The following OSBPL10 variants were observed in gnomAD, a reference collection of about 807,000 sequenced individuals.
OSBPL10 encodes the protein oxysterol-binding protein-related protein 10.
A neutral mutation model predicts 81.7 loss-of-function variants in OSBPL10; 49 were observed. The observed-to-expected ratio is 0.60, with a 90% confidence interval of 0.48 to 0.76. OSBPL10 has a LOEUF of 0.76. Ranked by LOEUF, OSBPL10 falls within the 30% of genes least tolerant of loss-of-function variation. The pLI, the probability that OSBPL10 is intolerant of heterozygous loss-of-function variation, is 0.00. For synonymous variants in OSBPL10, 419 were observed against 383.6 expected (o/e 1.09, Z -1.08); for missense variants, 923 against 987.8 (o/e 0.93, Z 0.88).
At chr3:31,965,860 TATAATAC>T (rs1385650890) in intron 1 of OSBPL10, among the ~76,000 whole-genome samples, 39 of 98,232 alleles carry the variant, frequency 4.0e-4, no homozygotes, top group South Asian at 1.1e-3. Context: ...AAAGATAATA[TATAATAC>T]ATATTATATA....
In OSBPL10 at chr3:31,833,729, A is replaced by T. The variant is rs1408634585; in HGVS notation, c.538-3498T>A. On this transcript the variant is annotated intron_variant, in intron 3 of 11. Coordinates refer to ENST00000396556, the MANE Select transcript of OSBPL10 (RefSeq NM_017784.5). ...CGCACACACACACACACACACACACACACACACACTCTCTCTCTCTTCTAA... is the reference window on the plus strand; with the variant it reads ...CGCACACACACACACACACACACACTCACACACACTCTCTCTCTCTTCTAA... 1.5e-3 allele frequency among the ~76,000 whole-genome samples: 233 copies of T among 151,498 alleles called. 1 individual carries two copies. Among genetic ancestry groups the T allele is most frequent in the African/African-American group, 5.6e-3 (228 of 40,998 alleles).
chr3:31,723,568 ACACC>A (rs1370628610), intron 6 of OSBPL10, among the ~76,000 whole-genome samples: 15 of 150,914 alleles, frequency 9.9e-5, no homozygotes, highest in African/African-American at 3.2e-4. Context: ...ACACACACAC[ACACC>A]CCTTTCCCTC....
chr3:31,898,615 A>G (rs1277114765), intron 1 of OSBPL10, among the ~76,000 whole-genome samples: 1 of 151,876 alleles, frequency 6.6e-6, no homozygotes, highest in Admixed American at 6.6e-5. Context: ...AAGAATAAGA[A>G]TGAAATAAAT....
At chr3:31,949,640 C>G (rs573677562) in intron 1 of OSBPL10, among the ~76,000 whole-genome samples, 2 of 122,938 alleles carry the variant, frequency 1.6e-5, no homozygotes, top group Admixed American at 1.9e-4. Flanking sequence ...TGCACTCCAG[C>G]CTGGGCAACA....
Position 32,029,864 on chromosome 3 carries a change from T to C in OSBPL10, n.298+16627A>G, listed in dbSNP as rs149337763. On this transcript the variant is annotated intron_variant and non_coding_transcript_variant, in intron 2 of 3. Coordinates refer to the OSBPL10 transcript ENST00000479173. Reference sequence around the variant, plus strand: ...CAGGACAGTGATTGCAGCTTCTTTATGTCTCTCATAGCTCCAAGCACAACC... The same window carrying C: ...CAGGACAGTGATTGCAGCTTCTTTACGTCTCTCATAGCTCCAAGCACAACC... Among the ~76,000 whole-genome samples, 17 of 152,340 alleles carry C rather than the reference T, an allele frequency of 1.1e-4. No homozygotes were observed. The East Asian group carries it at 3.3e-3, about 29-fold the overall frequency.
chr3:31,675,061 T>G (rs1303441647), intron 8 of OSBPL10, among the ~76,000 whole-genome samples: 1 of 152,190 alleles, frequency 6.6e-6, no homozygotes, highest in African/African-American at 2.4e-5. Flanking sequence ...CATCTCTACT[T>G]GGTAGTAAAA....
At chr3:31,683,531 A>G (rs750309659) in intron 8 of OSBPL10, 103 bp downstream of exon 8, 10 of 1,475,588 alleles carry the variant, frequency 6.8e-6, no homozygotes, top group Middle Eastern at 1.9e-4. Context: ...ACCAGTTAAA[A>G]ACAACAACAA....
intron 2 of OSBPL10, among the ~76,000 whole-genome samples, chr3:32,017,019 A>G (rs1699318368): frequency 6.6e-6 from 1 of 152,192 alleles, no homozygotes; most frequent in South Asian, 2.1e-4. Context: ...CTAATGTTTT[A>G]TAATAAAGTG....
At chr3:31,928,045 C>A (rs578203969) in intron 1 of OSBPL10, among the ~76,000 whole-genome samples, 4 of 152,096 alleles carry the variant, frequency 2.6e-5, no homozygotes, top group Non-Finnish European at 5.9e-5. Flanking sequence ...GTGTGAACCA[C>A]GACCAGTAAA....
Position 31,909,982 on chromosome 3 carries a change from C to CT in OSBPL10, c.282-30153dup, listed in dbSNP as rs563373548. On this transcript the variant is annotated intron_variant, in intron 1 of 11. Coordinates refer to ENST00000396556, the MANE Select transcript of OSBPL10 (RefSeq NM_017784.5). ...TCATTTTGCATCCTTGTCTCCTGGCCTTTTTTTTTTTTTTTTTTTAGATGG... is the reference window on the plus strand; with the variant it reads ...TCATTTTGCATCCTTGTCTCCTGGCCTTTTTTTTTTTTTTTTTTTTAGATGG... Among the ~76,000 whole-genome samples the CT allele has an allele frequency of 7.0e-3, 910 of 129,282 alleles. 2 individuals carry two copies. The highest frequency in any genetic ancestry group is 0.014 in the African/African-American group (442 of 32,584). The allele number at this position is 129,282 out of a possible 152,430, so 84.8% of individuals were successfully genotyped here. A position where few individuals can be genotyped will look rare whatever the true frequency, so the allele number is the denominator to read the frequency against.
At chr3:31,768,100 G>T (rs1321577813) in intron 4 of OSBPL10, among the ~76,000 whole-genome samples, 1 of 152,148 alleles carries the variant, frequency 6.6e-6, no homozygotes, top group Non-Finnish European at 1.5e-5. Context: ...CAGAACTGAG[G>T]GTTCCTCCTC....
chr3:31,773,844 T>C (rs371099204), intron 4 of OSBPL10, among the ~76,000 whole-genome samples: 54 of 152,180 alleles, frequency 3.5e-4, no homozygotes, highest in African/African-American at 1.3e-3. Flanking sequence ...CTCATGTAAT[T>C]AGCAGGTAAT....
At chr3:31,740,689 C>T (rs964832201) in intron 5 of OSBPL10, among the ~76,000 whole-genome samples, 1 of 151,526 alleles carries the variant, frequency 6.6e-6, no homozygotes, top group Non-Finnish European at 1.5e-5. Context: ...ATTGGTTGAG[C>T]CCAGAAGTTC....
In OSBPL10 at chr3:31,711,789, A is replaced by G. The variant is rs1696261590; in HGVS notation, c.1096-9281T>C. Among the ~76,000 whole-genome samples, 2 of 152,244 alleles carry G rather than the reference A, an allele frequency of 1.3e-5. 1 individual carries two copies. The highest frequency in any genetic ancestry group is 3.8e-4 in the East Asian group (2 of 5,206). ...ATTGACTGTGGTGACAGTGACATAC[A>G]CCTGTAAATATACTAAAATCCACCA... On this transcript the variant is annotated intron_variant, in intron 6 of 11. Coordinates refer to ENST00000396556, the MANE Select transcript of OSBPL10 (RefSeq NM_017784.5).
At chr3:31,808,486 AAT>A (rs1241720869) in intron 4 of OSBPL10, among the ~76,000 whole-genome samples, 2 of 152,246 alleles carry the variant, frequency 1.3e-5, no homozygotes, top group African/African-American at 4.8e-5. Context: ...TCCTGGAAAT[AAT>A]ATGAGAACAA....
At chr3:31,847,212 A>AAAAT (rs1559490104) in intron 3 of OSBPL10, among the ~76,000 whole-genome samples, 2 of 104,152 alleles carry the variant, frequency 1.9e-5, no homozygotes, top group African/African-American at 7.0e-5. Context: ...TTTTTTTTTT[A>AAAAT]AAAAGACAGA....
At chr3:32,052,595 C>G (rs919505107) in intron 1 of OSBPL10, among the ~76,000 whole-genome samples, 1 of 152,168 alleles carries the variant, frequency 6.6e-6, no homozygotes, top group Non-Finnish European at 1.5e-5. Context: ...AAATGTGCTA[C>G]ATATATACCA....
At chr3:31,827,099 G>T (rs923373368) in intron 4 of OSBPL10, among the ~76,000 whole-genome samples, 6 of 151,960 alleles carry the variant, frequency 3.9e-5, no homozygotes, top group African/African-American at 1.2e-4. Flanking sequence ...TTCTTTTTGA[G>T]ATGGGGTCTT....
chr3:31,809,280 A>G lies in OSBPL10; in HGVS notation c.729+20760T>C, dbSNP rs1467601783. 4.6e-5 allele frequency among the ~76,000 whole-genome samples: 7 copies of G among 152,368 alleles called. No homozygotes were observed. In the South Asian group the frequency reaches 1.2e-3, roughly 27 times the overall value. ...ATACATGCAATCCACAGGAAGTAAT[A>G]GCCTCCCTATTTACAAGTCGCCCAA... On this transcript the variant is annotated intron_variant, in intron 4 of 11. Coordinates refer to ENST00000396556, the MANE Select transcript of OSBPL10 (RefSeq NM_017784.5).
Sources: gnomAD v4.1 joint callset for allele counts (sites outside exome capture counted in the v4.1 genomes callset) on GRCh38, gnomAD v4.1.1 for gene constraint, MANE v1.5 for transcripts, NCBI Gene and HGNC (gene_info 2026-07-23, HGNC 2026-07-21) for gene names.